Variants in KANK1 observed in about 807,000 individuals in gnomAD.
KANK1 encodes KN motif and ankyrin repeat domain-containing protein 1.
KANK1 carries 109 observed loss-of-function variants against 106.2 expected under a neutral mutation model. That is an observed-to-expected ratio of 1.03 (90% CI 0.88 to 1.20). The LOEUF (loss-of-function observed/expected upper bound fraction) is 1.20, where lower values mean the gene tolerates loss of function less well. KANK1 is among the 50% of genes most tolerant of loss of function. KANK1 has a pLI of 0.00. For synonymous variants in KANK1, 873 were observed against 652.2 expected, an observed-to-expected ratio of 1.34 and a Z score of -5.16; for missense variants, 2,399 against 1,710.7, an observed-to-expected ratio of 1.40 and a Z score of -7.10.
chr9:723,034 G>C (rs1042494945), intron 3 of KANK1, among the ~76,000 whole-genome samples: 6 of 152,200 alleles, frequency 3.9e-5, no homozygotes, highest in African/African-American at 1.4e-4. Flanking sequence ...GCCAAGCCTT[G>C]AAAAGAGTAT....
chr9:635,131 C>T (rs1018600262), intron 1 of KANK1, among the ~76,000 whole-genome samples: 16 of 152,130 alleles, frequency 1.1e-4, no homozygotes, highest in Non-Finnish European at 2.1e-4. Flanking sequence ...GGTGGAGAGT[C>T]AACCACCAGG....
chr9:743,093 A>G (rs548043714), intron 10 of KANK1, among the ~76,000 whole-genome samples: 6 of 152,312 alleles, frequency 3.9e-5, no homozygotes, highest in Admixed American at 3.3e-4. Context: ...GGTAGAAGGT[A>G]GGAACTGGCA....
intron 1 of KANK1, among the ~76,000 whole-genome samples, chr9:531,239 G>T (rs1350928680): frequency 2.6e-5 from 4 of 152,144 alleles, no homozygotes; most frequent in African/African-American, 9.7e-5. Flanking sequence ...AGGAGTTTGA[G>T]ACCAGCCTGG....
Position 714,941 on chromosome 9 carries a change from G to T in KANK1, c.2698+1477G>T, listed in dbSNP as rs115704807. 5.3e-3 allele frequency among the ~76,000 whole-genome samples: 798 copies of T among 151,772 alleles called. 9 individuals are homozygous for T. Among genetic ancestry groups the T allele is most frequent in the African/African-American group, 0.018 (764 of 41,390 alleles). On this transcript the variant is annotated intron_variant, in intron 3 of 11. Coordinates refer to ENST00000382297, the MANE Select transcript of KANK1 (RefSeq NM_015158.5). ...ATCAGTGTGACCTGGGAAAGAGTGT[G>T]CATTAGATTAATTTTACATGAAAAT... is the stretch of plus-strand genomic sequence containing the variant.
chr9:490,958 CTT>C (rs758168904), intron 3 of KANK1, among the ~76,000 whole-genome samples: 97 of 116,290 alleles, frequency 8.3e-4, no homozygotes, highest in Middle Eastern at 4.7e-3. Context: ...GCTAAAGTGG[CTT>C]TTTTTTTTTT....
chr9:496,946 AATAATT>A (rs2058466925), intron 3 of KANK1, among the ~76,000 whole-genome samples: 1 of 152,132 alleles, frequency 6.6e-6, no homozygotes, highest in African/African-American at 2.4e-5. Context: ...ACAATGATAT[AATAATT>A]ATAATTATGA....
At chr9:486,114 A>C (rs1361137454) in intron 3 of KANK1, among the ~76,000 whole-genome samples, 1 of 152,174 alleles carries the variant, frequency 6.6e-6, no homozygotes, top group East Asian at 1.9e-4. Context: ...TAAAGATTAG[A>C]ACTGGAACCT....
chr9:645,463 G>A (rs1437046786), intron 1 of KANK1, among the ~76,000 whole-genome samples: 5 of 135,286 alleles, frequency 3.7e-5, no homozygotes, highest in Middle Eastern at 3.9e-3. Flanking sequence ...AAAAAAAAAG[G>A]CCTTAAGATA....
chr9:476,225 G>C (rs568185852), intron 3 of KANK1, among the ~76,000 whole-genome samples: 1 of 151,510 alleles, frequency 6.6e-6, no homozygotes, highest in Admixed American at 6.6e-5. Flanking sequence ...ACATGAACAA[G>C]ATCCCAGGTG....
chr9:527,636 C>T (rs1383446061), intron 1 of KANK1, among the ~76,000 whole-genome samples: 3 of 151,296 alleles, frequency 2.0e-5, no homozygotes, highest in Admixed American at 1.3e-4. Context: ...TGGCCAACAG[C>T]TTCTGCACAA....
chr9:579,228 G>A (rs950897626), intron 1 of KANK1, among the ~76,000 whole-genome samples: 6 of 151,622 alleles, frequency 4.0e-5, no homozygotes, highest in African/African-American at 1.2e-4. Flanking sequence ...GCTTCCCTCT[G>A]CCCCCAGTGT....
chr9:540,320 G>A (rs894109019), intron 1 of KANK1, among the ~76,000 whole-genome samples: 6 of 152,088 alleles, frequency 3.9e-5, no homozygotes, highest in East Asian at 1.9e-4. Context: ...TTTTGTTAAC[G>A]TGGTATTAGT....
intron 1 of KANK1, among the ~76,000 whole-genome samples, chr9:512,172 T>G (rs1460921998): frequency 1.3e-5 from 2 of 152,126 alleles, no homozygotes; most frequent in Non-Finnish European, 2.9e-5. Flanking sequence ...GTTGAACTTG[T>G]GTGGCAGCAG....
chr9:717,176 T>G (rs1028307344), intron 3 of KANK1, among the ~76,000 whole-genome samples: 1 of 151,578 alleles, frequency 6.6e-6, no homozygotes, highest in Non-Finnish European at 1.5e-5. Flanking sequence ...TCCCAGCTAC[T>G]CAGGAGGCTG....
In KANK1 at chr9:707,340, T is replaced by A. The variant is rs1824617371; in HGVS notation, c.38-3464T>A. ...GGCCGGCCGGGAAGGTGCGCACTGC[T>A]GGGCCGCTTCACTCCACCGCAGGCC... is the stretch of plus-strand genomic sequence containing the variant. On this transcript the variant is annotated intron_variant, in intron 2 of 11. Transcript: ENST00000382297. 2.0e-5 allele frequency: 12 copies of A among 609,720 alleles called. No homozygotes were observed. In the South Asian group the frequency reaches 7.2e-4, roughly 36 times the overall value. The allele number at this position is 609,720 out of a possible 1,614,324, so 37.8% of individuals were successfully genotyped here. A position where few individuals can be genotyped will look rare whatever the true frequency, so the allele number is the denominator to read the frequency against.
At chr9:699,594 A>C (rs1459775249) in intron 2 of KANK1, among the ~76,000 whole-genome samples, 2 of 152,204 alleles carry the variant, frequency 1.3e-5, no homozygotes, top group African/African-American at 4.8e-5. Context: ...AAGGGTTAGG[A>C]GTACACGAAG....
Position 745,265 on chromosome 9 carries a change from C to G in KANK1, c.*30C>G. 1.2e-6 allele frequency: 2 copies of G among 1,613,274 alleles called. No individual in the cohort carries two copies. The highest frequency in any genetic ancestry group is 1.7e-6 in the Non-Finnish European group (2 of 1,179,310). On this transcript the variant is annotated 3_prime_UTR_variant, in exon 12 of 12. Coordinates refer to ENST00000382297, the MANE Select transcript of KANK1 (RefSeq NM_015158.5). The stretch of plus-strand genomic sequence containing the variant: ...ATGCAAATAGCCCTTTATTTACATG[C>G]CACTATTAAGCTGCTAATTGTTCCT...
chr9:484,884 A>G (rs920108365), intron 3 of KANK1, among the ~76,000 whole-genome samples: 15 of 151,718 alleles, frequency 9.9e-5, no homozygotes, highest in Admixed American at 1.3e-4. Flanking sequence ...CATGGGATTC[A>G]TCCCACCTTC....
chr9:573,088 A>ATCC (rs1819624899), intron 1 of KANK1, among the ~76,000 whole-genome samples: 2 of 152,172 alleles, frequency 1.3e-5, no homozygotes, highest in South Asian at 4.1e-4. Context: ...GACTTGGAGT[A>ATCC]TTCATGATGC....
Sources: allele counts gnomAD v4.1 joint callset (sites outside exome capture counted in the v4.1 genomes callset), GRCh38; gene constraint gnomAD v4.1.1; transcripts MANE v1.5; gene names NCBI Gene and HGNC (gene_info 2026-07-23, HGNC 2026-07-21).